Variants in LTAP1 observed in about 807,000 individuals in gnomAD.
The protein encoded by LTAP1 is lipid transport auxiliary protein 1.
At chr1:154,217,148 CG>C in the LTAP1 span, among the ~76,000 whole-genome samples, 8 of 150,998 alleles carry the variant, frequency 5.3e-5, no homozygotes. Context: ...GGGGTTTCAC[CG>C]TGTTGGCCAG....
the LTAP1 span, among the ~76,000 whole-genome samples, chr1:154,209,736 GCCA>G: frequency 6.6e-6 from 1 of 151,318 alleles, no homozygotes; most frequent in Non-Finnish European, 1.5e-5. Context: ...ACAGGCACCC[GCCA>G]CCACGCCCGG....
the LTAP1 span, chr1:154,207,451 C>T: frequency 5.7e-5 from 92 of 1,613,574 alleles, 1 homozygote; most frequent in African/African-American, 7.2e-4. Context: ...CCTTCAGCTC[C>T]GTCACAGAGT....
chr1:154,211,324 CTTTTTTTTTTTTT>C, the LTAP1 span, among the ~76,000 whole-genome samples: 19 of 34,042 alleles, frequency 5.6e-4, no homozygotes, highest in South Asian at 3.8e-3. Flanking sequence ...TTATTTAATT[CTTTTTTTTTTTTT>C]TTTTTTTTTT....
the LTAP1 span, chr1:154,212,648 T>C: frequency 6.2e-7 from 1 of 1,603,072 alleles, no homozygotes; most frequent in East Asian, 2.2e-5. Context: ...AGCACAATGA[T>C]ATCTCTTCTC....
At chr1:154,208,871 C>T in the LTAP1 span, among the ~76,000 whole-genome samples, 8 of 152,154 alleles carry the variant, frequency 5.3e-5, no homozygotes, top group South Asian at 6.2e-4. Flanking sequence ...CTCGGCCTCC[C>T]GAGTAGCTGG....
the LTAP1 span, chr1:154,220,125 G>C: frequency 1.4e-6 from 1 of 717,872 alleles, no homozygotes; most frequent in Non-Finnish European, 2.3e-6. Flanking sequence ...GGGAGGCGTG[G>C]GGTCTGTGCT....
the LTAP1 span, chr1:154,212,149 G>A: frequency 4.6e-4 from 343 of 744,380 alleles, 3 homozygotes; most frequent in East Asian, 7.9e-3. Context: ...GAACCACTGT[G>A]CCCGGCCGCA....
the LTAP1 span, chr1:154,208,401 T>TCA: frequency 2.0e-5 from 3 of 151,942 alleles, no homozygotes; most frequent in African/African-American, 7.3e-5. Context: ...TCTCTCTCTC[T>TCA]CACACACACC....
the LTAP1 span, among the ~76,000 whole-genome samples, chr1:154,213,510 G>C: frequency 6.6e-6 from 1 of 152,180 alleles, no homozygotes; most frequent in Admixed American, 6.5e-5. Flanking sequence ...GATATAAACT[G>C]TTTTCATAGA....
chr1:154,220,190 G>A, the LTAP1 span: 1 of 1,000,992 alleles, frequency 1.0e-6, no homozygotes, highest in Non-Finnish European at 1.6e-6. Context: ...CCGACTAAGT[G>A]ACTTAAACTC....
the LTAP1 span, chr1:154,220,583 G>A: frequency 7.7e-6 from 5 of 649,906 alleles, 1 homozygote; most frequent in South Asian, 7.4e-5. Context: ...GGAGAGCTGG[G>A]AAAGGAGAAC....
chr1:154,207,398 G>T, the LTAP1 span: 2 of 1,567,732 alleles, frequency 1.3e-6, no homozygotes, highest in Middle Eastern at 1.7e-4. Flanking sequence ...CAAGCAGCCT[G>T]TCTTGCACAT....
the LTAP1 span, among the ~76,000 whole-genome samples, chr1:154,216,083 C>T: frequency 3.3e-5 from 5 of 151,974 alleles, no homozygotes; most frequent in East Asian, 1.9e-4. Context: ...ATGATCCACC[C>T]GCCTCGGCCT....
At chr1:154,216,743 T>C in the LTAP1 span, among the ~76,000 whole-genome samples, 1 of 152,012 alleles carries the variant, frequency 6.6e-6, no homozygotes, top group Non-Finnish European at 1.5e-5. Flanking sequence ...CTCAAACTCC[T>C]GACCTTGTGA....
the LTAP1 span, chr1:154,207,426 A>G: frequency 1.2e-6 from 2 of 1,611,814 alleles, no homozygotes; most frequent in South Asian, 1.1e-5. Flanking sequence ...GACTGGCTTA[A>G]TCTACGGCAA....
the LTAP1 span, chr1:154,220,536 C>T: frequency 3.5e-4 from 325 of 926,526 alleles, no homozygotes; most frequent in African/African-American, 4.8e-3. Context: ...GGGGGAAGAC[C>T]AAGCCAGACC....
At chr1:154,207,583 G>A in the LTAP1 span, 1 of 1,614,036 alleles carries the variant, frequency 6.2e-7, no homozygotes, top group Non-Finnish European at 8.5e-7. Flanking sequence ...GACCTCAGGG[G>A]ACTGAGTTAG....
At chr1:154,206,787 G>C in the LTAP1 span, 1 of 156,268 alleles carries the variant, frequency 6.4e-6, no homozygotes, top group African/African-American at 2.4e-5. Context: ...GGGCTTGTTA[G>C]GGGAAACCAT....
the LTAP1 span, chr1:154,207,382 GC>G: frequency 6.1e-6 from 9 of 1,485,380 alleles, no homozygotes; most frequent in Non-Finnish European, 8.4e-6. Flanking sequence ...TCCGAGGGCG[GC>G]CCGGCAAGCA....
Sources: allele counts gnomAD v4.1 joint callset (sites outside exome capture counted in the v4.1 genomes callset), GRCh38; gene constraint gnomAD v4.1.1; transcripts MANE v1.5; gene names NCBI Gene and HGNC (gene_info 2026-07-23, HGNC 2026-07-21).